RCOR1: variants seen among roughly 807,000 people sequenced by gnomAD.
RCOR1 encodes the protein REST corepressor 1, also known as REST corepressor.
Under a neutral mutation model 64.0 loss-of-function variants are expected in RCOR1, and 12 were observed. The observed-to-expected ratio is 0.19, with a 90% CI of 0.12 to 0.30. RCOR1 has a LOEUF of 0.30. RCOR1 is among the 10% of genes least tolerant of loss of function. The pLI, the probability that RCOR1 is intolerant of heterozygous loss-of-function variation, is 1.00. For missense variants in RCOR1, 502 were observed against 621.2 expected (o/e 0.81, Z 2.04); for synonymous variants, 279 against 227.2 (o/e 1.23, Z -2.05).
chr14:102,699,838 G>A (rs1895721141), intron 3 of RCOR1, among the ~76,000 whole-genome samples: 1 of 150,874 alleles, frequency 6.6e-6, no homozygotes, highest in Admixed American at 6.6e-5. Flanking sequence ...CAGTGCTATT[G>A]ACTAGTGCAT....
intron 2 of RCOR1, among the ~76,000 whole-genome samples, chr14:102,632,685 CTT>C (rs1164255110): frequency 1.8e-5 from 2 of 109,798 alleles, no homozygotes; most frequent in African/African-American, 3.9e-5. Flanking sequence ...TTTCCTTTTC[CTT>C]TTCCTTTTCC....
chr14:102,708,851 A>T (rs184099908), intron 6 of RCOR1, among the ~76,000 whole-genome samples: 1 of 152,334 alleles, frequency 6.6e-6, no homozygotes, highest in African/African-American at 2.4e-5. Context: ...CTTTTAATAA[A>T]AAAGAATCTT....
chr14:102,699,551 G>A (rs913861999), intron 3 of RCOR1, among the ~76,000 whole-genome samples: 4 of 152,072 alleles, frequency 2.6e-5, no homozygotes, highest in Admixed American at 6.5e-5. Context: ...TGGTATAATC[G>A]CATGGCAAAC....
intron 2 of RCOR1, among the ~76,000 whole-genome samples, chr14:102,676,550 G>C (rs1368073224): frequency 8.7e-5 from 6 of 69,134 alleles, no homozygotes; most frequent in Non-Finnish European, 1.7e-4. Flanking sequence ...TGGCCGGGCA[G>C]AGGGGCTCCT....
intron 2 of RCOR1, among the ~76,000 whole-genome samples, chr14:102,599,944 C>G (rs1357257661): frequency 3.3e-5 from 5 of 151,932 alleles, no homozygotes; most frequent in Non-Finnish European, 2.9e-5. Context: ...GCTGGGAATA[C>G]ATGTGCACAT....
chr14:102,652,671 C>A (rs565924392), intron 2 of RCOR1, among the ~76,000 whole-genome samples: 1 of 152,090 alleles, frequency 6.6e-6, no homozygotes, highest in Non-Finnish European at 1.5e-5. Context: ...TTAGCATATT[C>A]TATTTTTGTC....
Position 102,592,968 on chromosome 14 carries a change from G to A in RCOR1, c.82G>A (p.Ala28Thr). 2.6e-6 allele frequency: 3 copies of A among 1,158,948 alleles called. No individual in the cohort carries two copies. Among genetic ancestry groups the A allele is most frequent in the Admixed American group, 4.4e-5 (1 of 22,888 alleles). 71.8% of individuals were successfully genotyped at this position (1,158,948 alleles called of 1,614,324 possible). A position where few individuals can be genotyped will look rare whatever the true frequency, so the allele number is the denominator to read the frequency against. Residue 28 changes from alanine to threonine, a missense_variant, in exon 1 of 12, where the codon GCC (alanine) becomes ACC (threonine). Ala to Thr is a moderately conservative substitution (Grantham distance 58, BLOSUM62 0). Around this residue, in one of 2 missense-constraint regions of RCOR1, gnomAD observed 242 missense variants for 204.9 expected, o/e 1.18. Coordinates refer to ENST00000262241, the MANE Select transcript of RCOR1 (RefSeq NM_015156.4). ...CAACGCGGCCGCCTCCGCCTCCGCC[G>A]CCGCCGCCTCCGCCGCCGCCTCGGC... The part of the protein sequence containing the change: ...RNNAAASASA[A>T]AASAAASAAC...
intron 2 of RCOR1, among the ~76,000 whole-genome samples, chr14:102,637,902 A>G (rs1315433092): frequency 2.0e-5 from 3 of 152,232 alleles, no homozygotes; most frequent in Non-Finnish European, 2.9e-5. Flanking sequence ...TGTGTCTTAC[A>G]GTGTTCAAAC....
At chr14:102,638,016 G>A (rs1894282866) in intron 2 of RCOR1, among the ~76,000 whole-genome samples, 1 of 151,854 alleles carries the variant, frequency 6.6e-6, no homozygotes, top group African/African-American at 2.4e-5. Flanking sequence ...AACAATATTG[G>A]CTTCAAAAAC....
intron 3 of RCOR1, among the ~76,000 whole-genome samples, chr14:102,690,547 C>T (rs560825563): frequency 4.6e-5 from 7 of 151,984 alleles, no homozygotes; most frequent in East Asian, 1.9e-4. Flanking sequence ...GCTGTGATTG[C>T]GCCACTGCAC....
chr14:102,721,880 G>T (rs1173004660), intron 10 of RCOR1, among the ~76,000 whole-genome samples: 1 of 152,164 alleles, frequency 6.6e-6, no homozygotes, highest in Non-Finnish European at 1.5e-5. Context: ...AAGGTTGGGG[G>T]TGCTCTGGAC....
intron 2 of RCOR1, among the ~76,000 whole-genome samples, chr14:102,678,636 T>TATGGCTG (rs1248476550): frequency 6.6e-6 from 1 of 152,208 alleles, no homozygotes; most frequent in East Asian, 1.9e-4. Flanking sequence ...CTGTAGGGTA[T>TATGGCTG]ATGGCTGAAC....
rs897869301 is a variant in RCOR1 at position 102,708,556 on chromosome 14, G to A, written c.752G>A (p.Arg251Gln). The change falls in exon 6 of 12, where the codon CGG (arginine) becomes CAG (glutamine). Residue 251 changes from arginine to glutamine, a missense_variant. Around this residue, in one of 2 missense-constraint regions of RCOR1, gnomAD observed 260 missense variants for 416.4 expected, o/e 0.62. Coordinates refer to ENST00000262241, the MANE Select transcript of RCOR1 (RefSeq NM_015156.4). ...TKTSVMDRHA[R>Q]KQKREREESE... Reference sequence around the variant, plus strand: ...ACTAGTGTGATGGATCGCCATGCCCGGAAACAAAAACGGGAGCGGGAGGAG... The same window carrying A: ...ACTAGTGTGATGGATCGCCATGCCCAGAAACAAAAACGGGAGCGGGAGGAG... 8.1e-6 allele frequency: 13 copies of A among 1,610,226 alleles called. No individual in the cohort carries two copies. Among genetic ancestry groups the A allele is most frequent in the African/African-American group, 2.7e-5 (2 of 74,770 alleles).
intron 2 of RCOR1, among the ~76,000 whole-genome samples, chr14:102,661,922 A>G (rs956520658): frequency 2.8e-4 from 43 of 151,764 alleles, no homozygotes; most frequent in African/African-American, 1.0e-3. Flanking sequence ...ATGCCTTGCT[A>G]ATTTTTTTTT....
At chr14:102,720,791 C>A (rs1234559452) in intron 8 of RCOR1, 5 of 382,966 alleles carry the variant, frequency 1.3e-5, no homozygotes, top group Non-Finnish European at 2.3e-5. Flanking sequence ...CCGTCCCCTC[C>A]TCCTTGGGTT....
chr14:102,717,563 TGA>T (rs953896206), intron 8 of RCOR1, among the ~76,000 whole-genome samples: 1 of 152,188 alleles, frequency 6.6e-6, no homozygotes, highest in Non-Finnish European at 1.5e-5. Flanking sequence ...GGCTACTGTG[TGA>T]GAGAGCATTT....
chr14:102,628,515 T>G (rs958497197), intron 2 of RCOR1, among the ~76,000 whole-genome samples: 3 of 150,798 alleles, frequency 2.0e-5, no homozygotes, highest in African/African-American at 7.4e-5. Context: ...CTTGCTCTGT[T>G]GCCCAGTGAC....
chr14:102,659,178 G>A (rs149562985), intron 2 of RCOR1: 2 of 984,694 alleles, frequency 2.0e-6, no homozygotes, highest in Non-Finnish European at 2.4e-6. Flanking sequence ...AAGCTCTTTA[G>A]ATAAAATCTC....
chr14:102,726,667 C>A lies in RCOR1; in HGVS notation c.*161C>A. ...GTCCTGTGCTCCATCTGCCTTAATTCTTTGCTCGTTCCTCCATGTTGGCGC... is the reference window on the plus strand; with the variant it reads ...GTCCTGTGCTCCATCTGCCTTAATTATTTGCTCGTTCCTCCATGTTGGCGC... On this transcript the variant is annotated 3_prime_UTR_variant, in exon 12 of 12. Coordinates refer to ENST00000262241, the MANE Select transcript of RCOR1 (RefSeq NM_015156.4). 1.6e-6 allele frequency: 1 copy of A among 617,302 alleles called. No individual in the cohort carries two copies. The highest frequency in any genetic ancestry group is 2.8e-6 in the Non-Finnish European group (1 of 360,532). 38.2% of individuals were successfully genotyped at this position (617,302 alleles called of 1,614,324 possible). A position where few individuals can be genotyped will look rare whatever the true frequency, so the allele number is the denominator to read the frequency against.
Sources: gnomAD v4.1 joint callset for allele counts (sites outside exome capture counted in the v4.1 genomes callset) on GRCh38, gnomAD v4.1.1 for gene constraint, gnomAD v4.1.1 regional missense constraint, MANE v1.5 for transcripts, NCBI Gene and HGNC (gene_info 2026-07-23, HGNC 2026-07-21) for gene names.